The following MYO9A variants were observed in gnomAD, a reference collection of about 807,000 sequenced individuals.
The protein encoded by MYO9A is unconventional myosin-IXa.
Under a neutral mutation model 293.3 loss-of-function variants are expected in MYO9A, and 103 were observed. The ratio of observed to expected loss-of-function variants is 0.35; its 90% CI spans 0.30 to 0.41. The LOEUF is 0.41. Ranked by LOEUF, MYO9A falls within the 10% of genes least tolerant of loss-of-function variation. The probability of loss-of-function intolerance (pLI) is 1.00; values close to 1 mark genes in which losing one functional copy is unlikely to be tolerated. For synonymous variants in MYO9A, 1,001 were observed against 1,035.7 expected (o/e 0.97, Z 0.64); for missense variants, 2,685 against 3,033.0 (o/e 0.89, Z 2.69).
chr15:71,844,316 T>A (rs1157366950), intron 39 of MYO9A, among the ~76,000 whole-genome samples: 2 of 152,226 alleles, frequency 1.3e-5, no homozygotes, highest in African/African-American at 4.8e-5. Flanking sequence ...CACCTAATCA[T>A]ATAGATTTGC....
At chr15:71,987,714 T>A (rs926770294) in intron 11 of MYO9A, among the ~76,000 whole-genome samples, 1 of 152,250 alleles carries the variant, frequency 6.6e-6, no homozygotes, top group Admixed American at 6.5e-5. Context: ...AGTCATCATA[T>A]TGAAGATTTT....
intron 1 of MYO9A, among the ~76,000 whole-genome samples, chr15:72,058,439 T>C (rs2078782539): frequency 6.6e-6 from 1 of 151,710 alleles, no homozygotes; most frequent in Non-Finnish European, 1.5e-5. Context: ...AATCAGAAAA[T>C]CAAGACCTAA....
intron 1 of MYO9A, among the ~76,000 whole-genome samples, chr15:72,111,107 C>A (rs1048633189): frequency 3.3e-5 from 5 of 149,804 alleles, no homozygotes; most frequent in Non-Finnish European, 7.4e-5. Context: ...TGCAGTGAGC[C>A]GAGATTGCAC....
chr15:72,081,258 C>T (rs1012952398), intron 1 of MYO9A, among the ~76,000 whole-genome samples: 1 of 152,178 alleles, frequency 6.6e-6, no homozygotes, highest in African/African-American at 2.4e-5. Flanking sequence ...AATAGTCATT[C>T]TGACTGGTGC....
intron 32 of MYO9A, among the ~76,000 whole-genome samples, chr15:71,872,147 C>T (rs1447578176): frequency 2.0e-5 from 3 of 151,902 alleles, no homozygotes; most frequent in Non-Finnish European, 2.9e-5. Flanking sequence ...GACACCATTG[C>T]CTGTATCAAA....
intron 21 of MYO9A, 54 bp downstream of exon 21, chr15:71,903,875 G>A (rs1421557309): frequency 4.3e-6 from 6 of 1,406,652 alleles, no homozygotes; most frequent in Non-Finnish European, 4.0e-6. Context: ...AAGATATGTG[G>A]GAATCATTTA....
intron 15 of MYO9A, among the ~76,000 whole-genome samples, chr15:71,949,905 A>G (rs1461357082): frequency 6.6e-6 from 1 of 152,134 alleles, no homozygotes; most frequent in East Asian, 1.9e-4. Flanking sequence ...CCTTGTATAA[A>G]AAGCTACAAA....
intron 1 of MYO9A, among the ~76,000 whole-genome samples, chr15:72,054,564 G>A (rs556599897): frequency 2.0e-5 from 3 of 151,732 alleles, no homozygotes; most frequent in East Asian, 3.9e-4. Context: ...CCAGCTGCTT[G>A]GGAGGCTGAA....
At chr15:71,908,263 A>G (rs545680335) in intron 19 of MYO9A, among the ~76,000 whole-genome samples, 12 of 152,278 alleles carry the variant, frequency 7.9e-5, no homozygotes, top group East Asian at 7.7e-4. Flanking sequence ...GTAGATATAC[A>G]GCGTTATTTC....
chr15:71,858,254 TG>T (rs2055948674), intron 34 of MYO9A, among the ~76,000 whole-genome samples: 1 of 152,204 alleles, frequency 6.6e-6, no homozygotes, highest in East Asian at 1.9e-4. Flanking sequence ...ATACCATTAC[TG>T]GGTATATACC....
At chr15:72,014,971 G>A (rs1054675636) in intron 6 of MYO9A, among the ~76,000 whole-genome samples, 13 of 151,140 alleles carry the variant, frequency 8.6e-5, no homozygotes, top group Non-Finnish European at 1.3e-4. Context: ...AGCCTCCTGA[G>A]TAGCTGGGAC....
intron 32 of MYO9A, among the ~76,000 whole-genome samples, chr15:71,874,140 T>C (rs939538938): frequency 1.3e-5 from 2 of 152,198 alleles, no homozygotes; most frequent in African/African-American, 4.8e-5. Flanking sequence ...AAATAATCTA[T>C]AAAACAGTCA....
At chr15:72,101,498 C>T (rs2080319834) in intron 1 of MYO9A, among the ~76,000 whole-genome samples, 1 of 119,670 alleles carries the variant, frequency 8.4e-6, no homozygotes, top group African/African-American at 3.2e-5. Flanking sequence ...CCAGCCGCCC[C>T]GTCCGGGAGG....
intron 4 of MYO9A, among the ~76,000 whole-genome samples, chr15:72,026,447 C>G (rs771786868): frequency 4.6e-5 from 7 of 150,870 alleles, no homozygotes; most frequent in Non-Finnish European, 8.9e-5. Context: ...ACATGGAAAA[C>G]AGTTGAAGCA....
intron 4 of MYO9A, 96 bp from the exon 5 acceptor site, chr15:72,021,113 T>C: frequency 1.4e-6 from 1 of 702,094 alleles, no homozygotes; most frequent in Non-Finnish European, 2.3e-6. Context: ...TAGTAAAATG[T>C]ATCAGCTTTG....
intron 1 of MYO9A, among the ~76,000 whole-genome samples, chr15:72,051,071 T>G (rs1043008253): frequency 2.0e-5 from 3 of 152,214 alleles, no homozygotes; most frequent in African/African-American, 7.2e-5. Flanking sequence ...TTGTATTTGT[T>G]TTTGTTTTAT....
intron 19 of MYO9A, 139 bp from the exon 20 acceptor site, chr15:71,905,145 G>T: frequency 1.8e-6 from 1 of 551,286 alleles, no homozygotes; most frequent in Non-Finnish European, 3.0e-6. Context: ...AAAGCACATT[G>T]TGTATATTCT....
At chr15:72,082,485 T>G (rs2079576901) in intron 1 of MYO9A, among the ~76,000 whole-genome samples, 1 of 152,132 alleles carries the variant, frequency 6.6e-6, no homozygotes. Flanking sequence ...GACAGGGACA[T>G]GGACAGGGAT....
At chr15:71,942,573 G>C (rs2058805976) in intron 15 of MYO9A, among the ~76,000 whole-genome samples, 1 of 151,636 alleles carries the variant, frequency 6.6e-6, no homozygotes, top group Non-Finnish European at 1.5e-5. Context: ...GGCTTCTATT[G>C]TTTTCTTTGT....
Sources: allele counts gnomAD v4.1 joint callset (sites outside exome capture counted in the v4.1 genomes callset), GRCh38; gene constraint gnomAD v4.1.1; transcripts MANE v1.5; gene names NCBI Gene and HGNC (gene_info 2026-07-23, HGNC 2026-07-21).